CCDC63: variants seen among roughly 807,000 people sequenced by gnomAD.
CCDC63 encodes coiled-coil domain-containing protein 63.
CCDC63 carries 54 observed loss-of-function variants against 63.6 expected under a neutral mutation model. The observed-to-expected ratio is 0.85, with a 90% CI of 0.68 to 1.07. The LOEUF is 1.07. CCDC63 is among the 50% of genes least tolerant of loss of function. The pLI is 0.00. For missense variants in CCDC63, 637 were observed against 689.6 expected (o/e 0.92, Z 0.86); for synonymous variants, 253 against 266.1 (o/e 0.95, Z 0.48).
At chr12:110,901,037 A>ACTGTTCTGT in intron 10 of CCDC63, among the ~76,000 whole-genome samples, 1 of 152,350 alleles carries the variant, frequency 6.6e-6, no homozygotes, top group East Asian at 1.9e-4. Context: ...TTATTACAGT[A>ACTGTTCTGT]AAAGGGTACA....
chr12:110,875,061 C>T (rs1473350530), intron 5 of CCDC63, among the ~76,000 whole-genome samples: 1 of 152,186 alleles, frequency 6.6e-6, no homozygotes, highest in Non-Finnish European at 1.5e-5. Flanking sequence ...TTCCCCCAGA[C>T]TTTGACCACC....
chr12:110,874,174 C>A (rs2071102411), intron 5 of CCDC63, among the ~76,000 whole-genome samples: 1 of 151,776 alleles, frequency 6.6e-6, no homozygotes, highest in African/African-American at 2.4e-5. Context: ...ACCCGAATCC[C>A]CCAACCTATC....
At chr12:110,867,897 G>C (rs1312368099) in intron 4 of CCDC63, among the ~76,000 whole-genome samples, 1 of 151,062 alleles carries the variant, frequency 6.6e-6, no homozygotes, top group Non-Finnish European at 1.5e-5. Context: ...TTCCCAGATG[G>C]GGTGGCTGCC....
intron 7 of CCDC63, 120 bp from the exon 8 acceptor site, chr12:110,883,910 G>A (rs2071242131): frequency 1.3e-6 from 1 of 795,778 alleles, no homozygotes; most frequent in South Asian, 1.6e-5. Flanking sequence ...AAAGTGTTGG[G>A]ATTACAGGCG....
intron 11 of CCDC63, among the ~76,000 whole-genome samples, chr12:110,906,285 G>C (rs1286230750): frequency 7.1e-6 from 1 of 140,650 alleles, no homozygotes; most frequent in East Asian, 2.1e-4. Flanking sequence ...GGGGGAGGGA[G>C]AGGGAGAGAG....
At chr12:110,884,833 C>G (rs1319911127) in intron 8 of CCDC63, among the ~76,000 whole-genome samples, 1 of 150,126 alleles carries the variant, frequency 6.7e-6, no homozygotes, top group African/African-American at 2.5e-5. Flanking sequence ...ACTACAGGTG[C>G]CCGCCACGAC....
chr12:110,866,841 C>T (rs1427133367), intron 4 of CCDC63, among the ~76,000 whole-genome samples: 1 of 149,770 alleles, frequency 6.7e-6, no homozygotes, highest in Non-Finnish European at 1.5e-5. Flanking sequence ...GGGCACACCT[C>T]CCAGACGGGG....
chr12:110,870,023 A>G (rs1475910426), intron 4 of CCDC63, among the ~76,000 whole-genome samples: 4 of 152,202 alleles, frequency 2.6e-5, no homozygotes, highest in African/African-American at 9.6e-5. Flanking sequence ...ACCGTGGGAC[A>G]TTTGTCAAAA....
chr12:110,863,268 G>GTA lies in CCDC63; in HGVS notation c.369+4494_369+4495insAT, dbSNP rs1386160265. Among the ~76,000 whole-genome samples the GTA allele has an allele frequency of 7.9e-5, 12 of 151,236 alleles. 1 individual carries two copies. Among genetic ancestry groups the GTA allele is most frequent in the African/African-American group, 2.7e-4 (11 of 41,376 alleles). On this transcript the variant is annotated intron_variant, in intron 4 of 11. Coordinates refer to ENST00000308208, the MANE Select transcript of CCDC63 (RefSeq NM_152591.3). ...CTCGCTTTGAGTGACACACACGTGT[G>GTA]TGTGTGTGTGTGTGTGTGTTCCAGC... is the stretch of plus-strand genomic sequence containing the variant.
At chr12:110,884,854 T>A (rs893372964) in intron 8 of CCDC63, among the ~76,000 whole-genome samples, 3 of 38,418 alleles carry the variant, frequency 7.8e-5, no homozygotes, top group African/African-American at 3.8e-4. Flanking sequence ...GCCCTGCTAT[T>A]TTTTTTTTTT....
At chr12:110,871,286 C>A (rs891493536) in intron 4 of CCDC63, among the ~76,000 whole-genome samples, 1 of 152,068 alleles carries the variant, frequency 6.6e-6, no homozygotes, top group Non-Finnish European at 1.5e-5. Context: ...GGACTACTGG[C>A]GCCCGCCACC....
At chr12:110,866,950 G>C (rs1197368225) in intron 4 of CCDC63, among the ~76,000 whole-genome samples, 9 of 139,054 alleles carry the variant, frequency 6.5e-5, no homozygotes, top group African/African-American at 2.4e-4. Context: ...GCGGGGGGCT[G>C]ACCCCCCCAC....
intron 8 of CCDC63, among the ~76,000 whole-genome samples, chr12:110,888,837 CCTTCCTTCCTTCCT>C (rs879877576): frequency 0.029 from 3,877 of 135,190 alleles, 174 homozygotes; most frequent in Admixed American, 0.087. Context: ...TTCCTTCCTT[CCTTCCTTCCTTCCT>C]TCCTTCCTTC....
chr12:110,899,666 A>C (rs2071461775), intron 10 of CCDC63, among the ~76,000 whole-genome samples: 2 of 151,808 alleles, frequency 1.3e-5, no homozygotes, highest in South Asian at 4.2e-4. Flanking sequence ...TTGATCGACA[A>C]AAATGGGTCT....
At chr12:110,861,732 T>A (rs1024485307) in intron 4 of CCDC63, among the ~76,000 whole-genome samples, 1 of 151,526 alleles carries the variant, frequency 6.6e-6, no homozygotes, top group Admixed American at 6.6e-5. Context: ...GCTAATTTTT[T>A]TTTTTTTTTT....
At chr12:110,856,083 T>C (rs1220709804) in intron 3 of CCDC63, among the ~76,000 whole-genome samples, 1 of 151,566 alleles carries the variant, frequency 6.6e-6, no homozygotes, top group Non-Finnish European at 1.5e-5. Context: ...CCTCTTTTTT[T>C]TTTCTTTTTT....
intron 9 of CCDC63, among the ~76,000 whole-genome samples, chr12:110,893,598 C>T (rs1162953104): frequency 6.6e-6 from 1 of 152,178 alleles, no homozygotes; most frequent in Admixed American, 6.5e-5. Context: ...TTGGCTTGCA[C>T]TTTCATTGAA....
At chr12:110,868,061 G>C (rs1189425875) in intron 4 of CCDC63, among the ~76,000 whole-genome samples, 2 of 149,896 alleles carry the variant, frequency 1.3e-5, no homozygotes, top group East Asian at 2.0e-4. Context: ...ACGGGGTCTC[G>C]GCCGGGCAGA....
At chr12:110,868,137 G>A (rs1439646393) in intron 4 of CCDC63, among the ~76,000 whole-genome samples, 14 of 148,870 alleles carry the variant, frequency 9.4e-5, no homozygotes, top group Non-Finnish European at 4.5e-5. Context: ...GACGATGGGC[G>A]GCCGGGCAGA....
Sources: allele counts gnomAD v4.1 joint callset (sites outside exome capture counted in the v4.1 genomes callset), GRCh38; gene constraint gnomAD v4.1.1; transcripts MANE v1.5; gene names NCBI Gene and HGNC (gene_info 2026-07-23, HGNC 2026-07-21).